Variants in SIM1 observed in about 807,000 individuals in gnomAD.
SIM1 encodes SIM bHLH transcription factor 1.
In SIM1, 18 loss-of-function variants were observed where a neutral mutation model predicts 78.2. The ratio of observed to expected loss-of-function variants is 0.23; its 90% CI spans 0.16 to 0.34. SIM1 has a LOEUF of 0.34. SIM1 is among the 10% of genes least tolerant of loss of function. SIM1 has a pLI of 1.00. For missense variants in SIM1, 939 were observed against 975.1 expected (o/e 0.96, Z 0.49); for synonymous variants, 417 against 385.2 (o/e 1.08, Z -0.97).
rs960241795 is a variant in SIM1 at position 100,450,437 on chromosome 6, C to A, written c.259-81G>T. The A allele has an allele frequency of 3.9e-6, 5 of 1,269,182 alleles. No individual in the cohort carries two copies. In the Admixed American group the frequency reaches 5.1e-5, roughly 13 times the overall value. 78.6% of individuals were successfully genotyped at this position (1,269,182 alleles called of 1,614,324 possible). A position where few individuals can be genotyped will look rare whatever the true frequency, so the allele number is the denominator to read the frequency against. ...GGAGCAGGAGGACAGAAGTTAGTGA[C>A]TTTCAGCCAAAAGTGTAGAGAGATG... On this transcript the variant is annotated intron_variant, in intron 3 of 11. Transcript: ENST00000369208.
chr6:100,417,848 A>T (rs1771443488), intron 10 of SIM1, among the ~76,000 whole-genome samples: 1 of 152,244 alleles, frequency 6.6e-6, no homozygotes, highest in Non-Finnish European at 1.5e-5. Flanking sequence ...ATGATTATCT[A>T]AACACAATTA....
At chr6:100,433,740 C>CCACCCACACACACACA (rs1554222892) in intron 9 of SIM1, among the ~76,000 whole-genome samples, 1 of 124,292 alleles carries the variant, frequency 8.0e-6, no homozygotes, top group Non-Finnish European at 1.7e-5. Flanking sequence ...ACCCCCCCAC[C>CCACCCACACACACACA]CACACACACA....
intron 11 of SIM1, among the ~76,000 whole-genome samples, chr6:100,392,786 G>A (rs1291375084): frequency 6.6e-6 from 1 of 152,216 alleles, no homozygotes; most frequent in Admixed American, 6.5e-5. Flanking sequence ...AGCTTGGGAT[G>A]GACGGAATGA....
chr6:100,385,755 A>C lies in SIM1; in HGVS notation c.*4606T>G, dbSNP rs917105182. ...TTTTCATGAATATGATATAAAAATC[A>C]TATTTTTCTGTGTGCGTATGTGTGT... On this transcript the variant is annotated 3_prime_UTR_variant, in exon 12 of 12. Coordinates refer to ENST00000369208, the MANE Select transcript of SIM1 (RefSeq NM_005068.3). 6.6e-6 allele frequency: 1 copy of C among 150,750 alleles called. No individual in the cohort carries two copies. Among genetic ancestry groups the C allele is most frequent in the Non-Finnish European group, 1.5e-5 (1 of 67,716 alleles). 9.3% of individuals were successfully genotyped at this position (150,750 alleles called of 1,614,324 possible).
chr6:100,393,964 C>T (rs1770710264), intron 10 of SIM1, 75 bp from the exon 11 acceptor site: 1 of 1,451,104 alleles, frequency 6.9e-7, no homozygotes, highest in Non-Finnish European at 9.2e-7. Context: ...AAACAAAAAA[C>T]AGCCTTTATT....
chr6:100,402,607 T>A, intron 10 of SIM1, among the ~76,000 whole-genome samples: 1 of 116,162 alleles, frequency 8.6e-6, no homozygotes, highest in Non-Finnish European at 1.8e-5. Flanking sequence ...AGACGGAGTC[T>A]CGCCCTGTCG....
intron 1 of SIM1, 122 bp from the exon 2 acceptor site, chr6:100,464,057 T>C (rs1486460202): frequency 1.3e-5 from 2 of 152,066 alleles, no homozygotes; most frequent in Non-Finnish European, 2.9e-5. Context: ...GCGTTTTGGG[T>C]TTGTTTTTAA....
Position 100,385,752 on chromosome 6 carries a change from A to G in SIM1, c.*4609T>C, listed in dbSNP as rs1770503811. 1 of 150,572 alleles carries G rather than the reference A, an allele frequency of 6.6e-6. No individual in the cohort carries two copies. Among genetic ancestry groups the G allele is most frequent in the South Asian group, 2.1e-4 (1 of 4,770 alleles). 9.3% of individuals were successfully genotyped at this position (150,572 alleles called of 1,614,324 possible). On this transcript the variant is annotated 3_prime_UTR_variant, in exon 12 of 12. Transcript: ENST00000369208. Reference sequence around the variant, plus strand: ...ACATTTTCATGAATATGATATAAAAATCATATTTTTCTGTGTGCGTATGTG... The same window carrying G: ...ACATTTTCATGAATATGATATAAAAGTCATATTTTTCTGTGTGCGTATGTG...
chr6:100,448,737 T>A (rs1486025783), intron 6 of SIM1, 59 bp from the exon 7 acceptor site: 1 of 1,491,300 alleles, frequency 6.7e-7, no homozygotes, highest in Admixed American at 1.8e-5. Flanking sequence ...CCCCAAAAGG[T>A]GGAGAAGGGG....
intron 2 of SIM1, among the ~76,000 whole-genome samples, chr6:100,460,166 C>T (rs181708589): frequency 1.5e-4 from 23 of 151,728 alleles, no homozygotes; most frequent in Non-Finnish European, 2.9e-4. Flanking sequence ...CCATTTTCAC[C>T]TAAACAGTTT....
intron 2 of SIM1, among the ~76,000 whole-genome samples, chr6:100,460,664 G>A (rs1376082633): frequency 6.6e-6 from 1 of 152,144 alleles, no homozygotes; most frequent in African/African-American, 2.4e-5. Flanking sequence ...TCCATATAAA[G>A]TGATCAGTTT....
chr6:100,419,590 A>T (rs1562242934), intron 10 of SIM1, among the ~76,000 whole-genome samples: 1 of 152,234 alleles, frequency 6.6e-6, no homozygotes, highest in Non-Finnish European at 1.5e-5. Context: ...AATAAATGAC[A>T]AAGGCCACCT....
At chr6:100,450,696 T>TCTCTCTCTCACACACA (rs1421452803) in intron 3 of SIM1, among the ~76,000 whole-genome samples, 228 of 91,914 alleles carry the variant, frequency 2.5e-3, no homozygotes, top group East Asian at 5.0e-3. Flanking sequence ...TCTCTCTCTC[T>TCTCTCTCTCACACACA]CACACACACA....
intron 10 of SIM1, among the ~76,000 whole-genome samples, chr6:100,403,807 A>C (rs745785777): frequency 2.0e-5 from 3 of 152,258 alleles, no homozygotes; most frequent in Non-Finnish European, 4.4e-5. Context: ...GTCACTATGC[A>C]GATTCCGTAC....
intron 9 of SIM1, among the ~76,000 whole-genome samples, chr6:100,436,196 G>A (rs1209570732): frequency 6.6e-6 from 1 of 152,142 alleles, no homozygotes; most frequent in Non-Finnish European, 1.5e-5. Flanking sequence ...CCTCCATAAA[G>A]GCATCTCAGT....
intron 10 of SIM1, among the ~76,000 whole-genome samples, chr6:100,409,818 T>C (rs1431297456): frequency 6.6e-6 from 1 of 152,188 alleles, no homozygotes; most frequent in Admixed American, 6.5e-5. Flanking sequence ...TTAATTTCCA[T>C]GAAATTGCAA....
chr6:100,389,911 A>G lies in SIM1; in HGVS notation c.*450T>C, dbSNP rs537039330. 8.1e-4 allele frequency: 319 copies of G among 396,102 alleles called. No homozygotes were observed. Among genetic ancestry groups the G allele is most frequent in the Non-Finnish European group, 1.2e-3 (261 of 224,964 alleles). 24.5% of individuals were successfully genotyped at this position (396,102 alleles called of 1,614,324 possible). ...ATTTCGTTAAGAAGTTTAGTGTGAC[A>G]GAGTCAAAGAAAATTACCCATTTTT... On this transcript the variant is annotated 3_prime_UTR_variant, in exon 12 of 12. Coordinates refer to ENST00000369208, the MANE Select transcript of SIM1 (RefSeq NM_005068.3).
chr6:100,457,173 T>C (rs1340138332), intron 2 of SIM1, among the ~76,000 whole-genome samples: 4 of 152,272 alleles, frequency 2.6e-5, no homozygotes, highest in African/African-American at 4.8e-5. Context: ...GCCCTCACTC[T>C]GACAGGAAGA....
intron 7 of SIM1, 43 bp downstream of exon 7, chr6:100,448,436 G>A: frequency 6.3e-7 from 1 of 1,582,480 alleles, no homozygotes; most frequent in South Asian, 1.1e-5. Context: ...AAGCAGGGCC[G>A]CCCTCAGGCT....
Sources: allele counts gnomAD v4.1 joint callset (sites outside exome capture counted in the v4.1 genomes callset), GRCh38; gene constraint gnomAD v4.1.1; transcripts MANE v1.5; gene names NCBI Gene and HGNC (gene_info 2026-07-23, HGNC 2026-07-21).